Variants in IQGAP2 observed in about 807,000 individuals in gnomAD.
IQGAP2 encodes ras GTPase-activating-like protein IQGAP2.
A neutral mutation model predicts 201.3 loss-of-function variants in IQGAP2; 173 were observed. That is an observed-to-expected ratio of 0.86 (90% CI 0.76 to 0.98). IQGAP2 has a LOEUF of 0.98. Ranked by LOEUF, IQGAP2 falls within the 50% of genes least tolerant of loss-of-function variation. The pLI is 0.00. For synonymous variants in IQGAP2, 675 were observed against 673.9 expected, an observed-to-expected ratio of 1.00 and a Z score of -0.03; for missense variants, 1,687 against 1,864.8, an observed-to-expected ratio of 0.90 and a Z score of 1.76.
At chr5:76,444,900 A>T (rs1452949583) in intron 1 of IQGAP2, among the ~76,000 whole-genome samples, 6 of 152,180 alleles carry the variant, frequency 3.9e-5, no homozygotes, top group Non-Finnish European at 8.8e-5. Flanking sequence ...AAAGATAAGA[A>T]AGCAAAATTG....
intron 1 of IQGAP2, among the ~76,000 whole-genome samples, chr5:76,412,596 A>T (rs1016368464): frequency 2.0e-5 from 3 of 152,258 alleles, no homozygotes; most frequent in Non-Finnish European, 4.4e-5. Flanking sequence ...TTGAAGCAAC[A>T]TATATTTCAC....
chr5:76,413,539 T>C (rs770474124), intron 1 of IQGAP2, among the ~76,000 whole-genome samples: 1 of 152,242 alleles, frequency 6.6e-6, no homozygotes, highest in African/African-American at 2.4e-5. Flanking sequence ...AGTCTATCAA[T>C]TTGGGTGGGG....
intron 10 of IQGAP2, among the ~76,000 whole-genome samples, chr5:76,598,607 C>G (rs1424201164): frequency 6.6e-6 from 1 of 152,164 alleles, no homozygotes; most frequent in Non-Finnish European, 1.5e-5. Flanking sequence ...TCCTACACAG[C>G]TGCTGGGAGT....
At chr5:76,621,543 C>T (rs2069657) in intron 13 of IQGAP2, among the ~76,000 whole-genome samples, 8,032 of 152,138 alleles carry the variant, frequency 0.053, 493 homozygotes, top group Admixed American at 0.19. Context: ...AAGAGCATGC[C>T]GTACAAGTTA....
chr5:76,603,304 C>G lies in IQGAP2; in HGVS notation c.1232+2332C>G, dbSNP rs545330771. Among the ~76,000 whole-genome samples the G allele has an allele frequency of 3.9e-5, 6 of 152,324 alleles. No individual in the cohort carries two copies. The South Asian group carries it at 1.2e-3, about 32-fold the overall frequency. On this transcript the variant is annotated intron_variant, in intron 11 of 35. Transcript: ENST00000274364. ...TGTGAGGTATATCCGTGCTTCTCCC[C>G]ACCCTAGCATCTGATGTTATCTCTC...
At position 76,501,643 on chromosome 5, in the gene IQGAP2, C is replaced by CTTTTTTTTTTTTTTTT. The variant is rs56929376; in HGVS notation, c.146+39988_146+39989insTTTTTTTTTTTTTTTT. Among the ~76,000 whole-genome samples, 34 of 101,098 alleles carry CTTTTTTTTTTTTTTTT rather than the reference C, an allele frequency of 3.4e-4. 1 individual carries two copies. The highest frequency in any genetic ancestry group is 4.3e-4 in the Non-Finnish European group (23 of 54,038). 66.3% of individuals were successfully genotyped at this position (101,098 alleles called of 152,430 possible). On this transcript the variant is annotated intron_variant, in intron 2 of 35. Coordinates refer to ENST00000274364, the MANE Select transcript of IQGAP2 (RefSeq NM_006633.5). ...CCTGCTGCATTTTCTTTTTCCTTTT[C>CTTTTTTTTTTTTTTTT]TTTTTTTTTTTTTTCCTTGAGACAG...
intron 1 of IQGAP2, among the ~76,000 whole-genome samples, chr5:76,417,904 G>T (rs1202308779): frequency 6.6e-6 from 1 of 151,168 alleles, no homozygotes; most frequent in Non-Finnish European, 1.5e-5. Context: ...TTTTTGAAAC[G>T]GTGTTTGAAA....
At chr5:76,542,342 C>A (rs1742833375) in intron 2 of IQGAP2, among the ~76,000 whole-genome samples, 1 of 152,148 alleles carries the variant, frequency 6.6e-6, no homozygotes, top group Admixed American at 6.5e-5. Flanking sequence ...TCAAGAAATC[C>A]CAAAGGTCAG....
In IQGAP2 at chr5:76,575,689, C is replaced by T. The variant is rs748304303; in HGVS notation, c.382-4C>T. 2.0e-6 allele frequency: 3 copies of T among 1,537,726 alleles called. No homozygotes were observed. Among genetic ancestry groups the T allele is most frequent in the Non-Finnish European group, 2.7e-6 (3 of 1,128,726 alleles). On this transcript the variant is annotated splice_polypyrimidine_tract_variant and splice_region_variant and intron_variant, in intron 4 of 35. Transcript: ENST00000274364. ...TAATAAATATTGTTTCTTTTGTTTT[C>T]CAGATATTTTATCCAGAAACAACAG...
At chr5:76,700,060 T>C (rs1016747104) in intron 33 of IQGAP2, among the ~76,000 whole-genome samples, 1 of 152,028 alleles carries the variant, frequency 6.6e-6, no homozygotes, top group African/African-American at 2.4e-5. Flanking sequence ...ATATACACTA[T>C]ACACTAAATA....
chr5:76,468,786 A>T (rs1399435957), intron 2 of IQGAP2, among the ~76,000 whole-genome samples: 1 of 152,184 alleles, frequency 6.6e-6, no homozygotes, highest in Non-Finnish European at 1.5e-5. Flanking sequence ...TCCCTCCTGC[A>T]CAGGACCTTG....
intron 2 of IQGAP2, among the ~76,000 whole-genome samples, chr5:76,471,926 A>C (rs1479825731): frequency 6.6e-6 from 1 of 152,224 alleles, no homozygotes; most frequent in Non-Finnish European, 1.5e-5. Flanking sequence ...TTTTCAAAAC[A>C]TAAATAGTTT....
At chr5:76,558,513 T>C (rs767152905) in intron 2 of IQGAP2, among the ~76,000 whole-genome samples, 9 of 151,972 alleles carry the variant, frequency 5.9e-5, no homozygotes, top group Non-Finnish European at 1.2e-4. Context: ...AACTTGGCCA[T>C]ATTTTTTTTA....
chr5:76,445,444 G>A (rs1753320799), intron 1 of IQGAP2, among the ~76,000 whole-genome samples: 1 of 151,200 alleles, frequency 6.6e-6, no homozygotes, highest in African/African-American at 2.4e-5. Flanking sequence ...TTAAACTGTG[G>A]CAAAAATCGG....
Position 76,528,511 on chromosome 5 carries a change from C to G in IQGAP2, c.147-33885C>G, listed in dbSNP as rs149574048. Among the ~76,000 whole-genome samples the G allele has an allele frequency of 4.5e-3, 687 of 152,230 alleles. 10 individuals are homozygous for G. Among genetic ancestry groups the G allele is most frequent in the Non-Finnish European group, 4.7e-3 (317 of 68,030 alleles). ...GGGTCAACCAGCATCAAGTGTGCCT[C>G]TTTTACAAAACCAGGAACCCAATCT... On this transcript the variant is annotated intron_variant, in intron 2 of 35. Transcript: ENST00000274364.
At chr5:76,591,444 T>C (rs1039506011) in intron 8 of IQGAP2, among the ~76,000 whole-genome samples, 19 of 152,322 alleles carry the variant, frequency 1.2e-4, no homozygotes, top group African/African-American at 4.3e-4. Context: ...ATTGAAAAAT[T>C]TGTCTACGCT....
intron 13 of IQGAP2, chr5:76,617,360 G>C: frequency 2.3e-6 from 1 of 441,944 alleles, no homozygotes; most frequent in Non-Finnish European, 4.0e-6. Flanking sequence ...GGAGGCAGAG[G>C]TTGCAATGAG....
chr5:76,700,429 G>C (rs1482381725), intron 33 of IQGAP2, among the ~76,000 whole-genome samples: 1 of 152,108 alleles, frequency 6.6e-6, no homozygotes, highest in Non-Finnish European at 1.5e-5. Flanking sequence ...TTGAACCCGG[G>C]AGGCAGAGGT....
intron 5 of IQGAP2, among the ~76,000 whole-genome samples, chr5:76,585,233 A>G (rs980125414): frequency 6.6e-6 from 1 of 152,296 alleles, no homozygotes; most frequent in African/African-American, 2.4e-5. Context: ...CTTCAGCAGG[A>G]TATTAGTATA....
Sources: allele counts gnomAD v4.1 joint callset (sites outside exome capture counted in the v4.1 genomes callset), GRCh38; gene constraint gnomAD v4.1.1; transcripts MANE v1.5; gene names NCBI Gene and HGNC (gene_info 2026-07-23, HGNC 2026-07-21).